The following RGS7 variants were observed in gnomAD, a reference collection of about 807,000 sequenced individuals.
RGS7 encodes regulator of G protein signaling 7, also known as regulator of G-protein signaling 7.
Under a neutral mutation model 81.1 loss-of-function variants are expected in RGS7, and 27 were observed. That is an observed-to-expected ratio of 0.33 (90% confidence interval 0.25 to 0.46). The LOEUF (loss-of-function observed/expected upper bound fraction) is 0.46. Among genes scored for constraint, RGS7 ranks in the 20% least tolerant of loss-of-function variants. The pLI is 1.00. For missense variants in RGS7, 396 were observed against 607.4 expected (o/e 0.65, Z 3.66); for synonymous variants, 208 against 207.7 (o/e 1.00, Z -0.01).
chr1:241,168,478 C>T (rs532084797), intron 2 of RGS7, among the ~76,000 whole-genome samples: 11 of 152,276 alleles, frequency 7.2e-5, no homozygotes, highest in African/African-American at 2.6e-4. Flanking sequence ...GCCCCAGCAT[C>T]AGTATCTTTG....
rs140273922 is a variant in RGS7, at chr1:241,095,708, G to A, written c.175+2958C>T. On this transcript the variant is annotated intron_variant, in intron 3 of 18. Coordinates refer to ENST00000440928, the MANE Select transcript of RGS7 (RefSeq NM_001364886.1). Reference sequence around the variant, plus strand: ...TGATAAATAATGAAAAGTGAGAAATGATAAACATTTATCCTTTTTGAGTAA... The same window carrying A: ...TGATAAATAATGAAAAGTGAGAAATAATAAACATTTATCCTTTTTGAGTAA... Among the ~76,000 whole-genome samples, 704 of 152,138 alleles carry A rather than the reference G, an allele frequency of 4.6e-3. 12 individuals are homozygous for A. The highest frequency in any genetic ancestry group is 0.016 in the African/African-American group (654 of 41,524).
rs535846632 is a variant in RGS7 at position 241,280,840 on chromosome 1, T to C, written c.78+74859A>G. ...ACTTTTTGTGGATATATGTCTTCAG[T>C]TCTCTGGGCTAAATGCCTAAAGGAC... is the stretch of plus-strand genomic sequence containing the variant. On this transcript the variant is annotated intron_variant, in intron 2 of 18. Transcript: ENST00000440928. Among the ~76,000 whole-genome samples, 4 of 152,342 alleles carry C rather than the reference T, an allele frequency of 2.6e-5. No homozygotes were observed. The East Asian group carries it at 7.7e-4, about 29-fold the overall frequency.
rs368382789 is a variant in RGS7 at position 241,295,714 on chromosome 1, T to C, written c.78+59985A>G. ...AGAAAGGGCTGTTGTTGGAGCTGTC[T>C]TTCTAGAGATTCCGGAGTCGGCAAA... is the stretch of plus-strand genomic sequence containing the variant. On this transcript the variant is annotated intron_variant, in intron 2 of 18. Transcript: ENST00000440928. Among the ~76,000 whole-genome samples, 11 of 152,318 alleles carry C rather than the reference T, an allele frequency of 7.2e-5. No homozygotes were observed. The East Asian group carries it at 1.9e-3, about 27-fold the overall frequency.
At chr1:240,988,674 T>G (rs1478251) in intron 3 of RGS7, among the ~76,000 whole-genome samples, 137,376 of 152,248 alleles carry the variant, frequency 0.9, 62,027 homozygotes, top group East Asian at 1. Flanking sequence ...AAAGCAACCT[T>G]CAACCAAAGG....
chr1:241,148,393 A>T (rs1246636859), intron 2 of RGS7, among the ~76,000 whole-genome samples: 7 of 152,092 alleles, frequency 4.6e-5, no homozygotes, highest in Admixed American at 1.3e-4. Flanking sequence ...CCAGACAGTA[A>T]TGAATTGGTT....
chr1:241,356,363 C>A (rs1181966885), intron 1 of RGS7, among the ~76,000 whole-genome samples: 1 of 152,202 alleles, frequency 6.6e-6, no homozygotes, highest in Admixed American at 6.5e-5. Context: ...GGGTCTCCCA[C>A]ACAGAGCCGG....
intron 3 of RGS7, among the ~76,000 whole-genome samples, chr1:241,001,246 G>A (rs925036913): frequency 9.9e-5 from 15 of 152,122 alleles, no homozygotes; most frequent in African/African-American, 3.6e-4. Context: ...CAATAAAAAT[G>A]TTAGCATCTC....
Position 241,124,541 on chromosome 1 carries a change from A to G in RGS7, c.79-25779T>C, listed in dbSNP as rs191074933. Among the ~76,000 whole-genome samples, 830 of 152,362 alleles carry G rather than the reference A, an allele frequency of 5.4e-3. 6 individuals carry two copies. The highest frequency in any genetic ancestry group is 0.01 in the Middle Eastern group (3 of 294). On this transcript the variant is annotated intron_variant, in intron 2 of 18. Coordinates refer to ENST00000440928, the MANE Select transcript of RGS7 (RefSeq NM_001364886.1). ...CCTCTTAAGGCTGGGATAGAGGGTT[A>G]GGGATGGCATTCAAAGGAAAACGTC...
chr1:241,018,462 T>C (rs2059378443), intron 3 of RGS7, among the ~76,000 whole-genome samples: 1 of 152,202 alleles, frequency 6.6e-6, no homozygotes, highest in Admixed American at 6.5e-5. Flanking sequence ...GTTGCAGCTA[T>C]AGATACCAGA....
At chr1:240,925,115 TC>T (rs1423004882) in intron 6 of RGS7, among the ~76,000 whole-genome samples, 9 of 152,158 alleles carry the variant, frequency 5.9e-5, no homozygotes, top group Non-Finnish European at 1.2e-4. Flanking sequence ...TTTCTTTTTT[TC>T]AATAATAATT....
rs149172715 is a variant in RGS7, at chr1:240,870,069, C to T, written c.436G>A (p.Ala146Thr). Residue 146 changes from alanine to threonine, a missense_variant, in exon 7 of 19, where the codon GCA becomes ACA. Coordinates refer to ENST00000440928, the MANE Select transcript of RGS7 (RefSeq NM_001364886.1). ...TMQNKARLEL[A>T]DYEAESLARL... ...TTGGTACTTACAGCCTCATAGTCTG[C>T]GAGCTCCAGTCGTGCCTTGTTTTGC... The T allele has an allele frequency of 6.8e-6, 11 of 1,613,808 alleles. No homozygotes were observed. The African/African-American group carries it at 9.3e-5, about 14-fold the overall frequency.
rs577669455 is a variant in RGS7, at chr1:241,265,786, C to CT, written c.78+89912dup. Among the ~76,000 whole-genome samples, 404 of 90,262 alleles carry CT rather than the reference C, an allele frequency of 4.5e-3. 20 individuals are homozygous for CT. Among genetic ancestry groups the CT allele is most frequent in the African/African-American group, 0.013 (279 of 22,200 alleles). The allele number at this position is 90,262 out of a possible 152,430, so 59.2% of individuals were successfully genotyped here. The stretch of plus-strand genomic sequence containing the variant: ...TCAAGTTACTGCCCTTTTCCTCGTC[C>CT]TTTTTTTTTTTTTTTTTTTTTTTTT... On this transcript the variant is annotated intron_variant, in intron 2 of 18. Coordinates refer to ENST00000440928, the MANE Select transcript of RGS7 (RefSeq NM_001364886.1).
chr1:240,998,596 C>T, intron 3 of RGS7: 2 of 842,830 alleles, frequency 2.4e-6, no homozygotes, highest in Non-Finnish European at 2.0e-6. Flanking sequence ...TGGACCAGGT[C>T]CACCAGCCCC....
intron 3 of RGS7, among the ~76,000 whole-genome samples, chr1:241,045,470 TC>T (rs745805142): frequency 2.6e-5 from 4 of 152,114 alleles, no homozygotes; most frequent in Non-Finnish European, 4.4e-5. Context: ...TTCAAGAGAT[TC>T]TCCTGCCTCA....
intron 2 of RGS7, among the ~76,000 whole-genome samples, chr1:241,226,238 T>C (rs2075301411): frequency 6.6e-6 from 1 of 152,084 alleles, no homozygotes; most frequent in African/African-American, 2.4e-5. Context: ...AAAACACAAA[T>C]AAAATGTCCG....
At chr1:241,107,985 G>A in intron 2 of RGS7, among the ~76,000 whole-genome samples, 1 of 152,052 alleles carries the variant, frequency 6.6e-6, no homozygotes, top group Non-Finnish European at 1.5e-5. Context: ...AGAGTGGGTG[G>A]TTGCTGAATA....
intron 6 of RGS7, among the ~76,000 whole-genome samples, chr1:240,924,856 AT>A (rs1243966189): frequency 6.6e-6 from 1 of 152,234 alleles, no homozygotes; most frequent in Non-Finnish European, 1.5e-5. Flanking sequence ...TTAATGCAAT[AT>A]TTGCAAAAAT....
Position 241,163,863 on chromosome 1 carries a change from A to G in RGS7, c.79-65101T>C, listed in dbSNP as rs1430721579. On this transcript the variant is annotated intron_variant, in intron 2 of 18. Coordinates refer to ENST00000440928, the MANE Select transcript of RGS7 (RefSeq NM_001364886.1). The surrounding 1 kb of genome is among the most constrained non-coding windows in gnomAD (Gnocchi z 4.6). ...AAGCAAGCCATCAATTTTGCAGCAG[A>G]CTGAAGCTGGAAGTCCTCTAATTCA... 6.6e-6 allele frequency among the ~76,000 whole-genome samples: 1 copy of G among 152,142 alleles called. No homozygotes were observed. Among genetic ancestry groups the G allele is most frequent in the African/African-American group, 2.4e-5 (1 of 41,442 alleles).
At chr1:241,166,302 A>T (rs1429886055) in intron 2 of RGS7, among the ~76,000 whole-genome samples, 4 of 152,226 alleles carry the variant, frequency 2.6e-5, no homozygotes, top group Non-Finnish European at 1.5e-5. Context: ...CAAAGAAGTC[A>T]GCGTATGCAA....
Sources: gnomAD v4.1 joint callset for allele counts (sites outside exome capture counted in the v4.1 genomes callset) on GRCh38, gnomAD v4.1.1 for gene constraint, Gnocchi (gnomAD v3.1) non-coding constraint, MANE v1.5 for transcripts, NCBI Gene and HGNC (gene_info 2026-07-23, HGNC 2026-07-21) for gene names.